WSCD2: variants seen among roughly 807,000 people sequenced by gnomAD.
WSCD2 encodes WSC domain sialate O sulfotransferase 2.
A neutral mutation model predicts 55.7 loss-of-function variants in WSCD2; 28 were observed. That is an observed-to-expected ratio of 0.50 (90% CI 0.37 to 0.69). WSCD2 has a LOEUF of 0.69. Ranked by LOEUF, WSCD2 falls within the 30% of genes least tolerant of loss-of-function variation. The pLI is 0.00. For synonymous variants in WSCD2, 301 were observed against 301.9 expected (o/e 1.00, Z 0.03); for missense variants, 616 against 762.1 (o/e 0.81, Z 2.26).
At chr12:108,194,324 G>A (rs1239838924) in intron 1 of WSCD2, among the ~76,000 whole-genome samples, 1 of 152,196 alleles carries the variant, frequency 6.6e-6, no homozygotes, top group Admixed American at 6.5e-5. Context: ...CAAAGGGTGA[G>A]CCATGCTGGT....
At chr12:108,137,384 T>A (rs1876336017) in intron 1 of WSCD2, among the ~76,000 whole-genome samples, 1 of 152,208 alleles carries the variant, frequency 6.6e-6, no homozygotes, top group African/African-American at 2.4e-5. Flanking sequence ...TCAGGGCCTG[T>A]TTACTCTTTC....
intron 3 of WSCD2, among the ~76,000 whole-genome samples, chr12:108,209,078 C>G (rs7313266): frequency 0.45 from 67,885 of 151,946 alleles, 15,494 homozygotes; most frequent in East Asian, 0.6. Context: ...CTTCCTACTC[C>G]CAGAGCCAGA....
chr12:108,216,953 A>T (rs181233481), intron 4 of WSCD2, among the ~76,000 whole-genome samples: 1 of 152,368 alleles, frequency 6.6e-6, no homozygotes, highest in East Asian at 1.9e-4. Context: ...TGGACTACTG[A>T]CAGCAAACAG....
At chr12:108,182,893 G>A (rs1423860443) in intron 1 of WSCD2, among the ~76,000 whole-genome samples, 1 of 152,046 alleles carries the variant, frequency 6.6e-6, no homozygotes, top group East Asian at 1.9e-4. Flanking sequence ...TAGAGTGCTA[G>A]AAGTTGGGGA....
chr12:108,229,616 T>A (rs1038275254), intron 6 of WSCD2, among the ~76,000 whole-genome samples: 1 of 152,256 alleles, frequency 6.6e-6, no homozygotes, highest in African/African-American at 2.4e-5. Context: ...AGGTAGGCCA[T>A]GACAGTTCTG....
At chr12:108,158,790 T>A (rs1380090748) in intron 1 of WSCD2, among the ~76,000 whole-genome samples, 2 of 152,136 alleles carry the variant, frequency 1.3e-5, no homozygotes, top group African/African-American at 4.8e-5. Context: ...ACTCTCCGTG[T>A]CTACTCAAGC....
intron 1 of WSCD2, chr12:108,189,711 A>G (rs1882926893): frequency 6.6e-6 from 1 of 152,238 alleles, no homozygotes; most frequent in African/African-American, 2.4e-5. Flanking sequence ...GGATAATCAT[A>G]AGATGCTCAT....
chr12:108,211,716 T>G (rs1029794609), intron 4 of WSCD2, among the ~76,000 whole-genome samples: 5 of 150,588 alleles, frequency 3.3e-5, no homozygotes, highest in Non-Finnish European at 4.4e-5. Context: ...TGCAATGGTG[T>G]GATCTTGGCT....
intron 6 of WSCD2, among the ~76,000 whole-genome samples, chr12:108,228,021 G>C (rs1888331085): frequency 6.6e-6 from 1 of 150,932 alleles, no homozygotes; most frequent in Non-Finnish European, 1.5e-5. Context: ...CTCTCTATGA[G>C]TTGGGAACAG....
At chr12:108,233,062 T>A in intron 7 of WSCD2, 167 bp downstream of exon 7, 1 of 815,920 alleles carries the variant, frequency 1.2e-6, no homozygotes, top group Non-Finnish European at 1.9e-6. Context: ...CCCACCTTCC[T>A]TTATGCCCCA....
chr12:108,149,969 ATTTGAC>A (rs1565918076), intron 1 of WSCD2: 1 of 152,176 alleles, frequency 6.6e-6, no homozygotes, highest in East Asian at 1.9e-4. Context: ...AGGTCGGGCA[ATTTGAC>A]TTTGGATGCT....
At chr12:108,229,766 G>C (rs1323118267) in intron 6 of WSCD2, among the ~76,000 whole-genome samples, 1 of 151,838 alleles carries the variant, frequency 6.6e-6, no homozygotes, top group African/African-American at 2.4e-5. Context: ...GGTTGGCCTT[G>C]GCCTCCCAGG....
chr12:108,152,174 A>G (rs1878075541), intron 1 of WSCD2, among the ~76,000 whole-genome samples: 1 of 152,244 alleles, frequency 6.6e-6, no homozygotes, highest in Admixed American at 6.5e-5. Flanking sequence ...AAAACTGCCC[A>G]TTCTGAGTGT....
intron 1 of WSCD2, among the ~76,000 whole-genome samples, chr12:108,173,805 G>GCTCTCT (rs10658530): frequency 0.011 from 1,445 of 127,790 alleles, 12 homozygotes; most frequent in Middle Eastern, 0.032. Flanking sequence ...CTGATTCCTG[G>GCTCTCT]CTCTCTGTGT....
chr12:108,196,423 A>G (rs1489268140), intron 2 of WSCD2: 1 of 749,852 alleles, frequency 1.3e-6, no homozygotes, highest in Middle Eastern at 3.9e-4. Context: ...AAGGTCACAC[A>G]GCTTGTCAAG....
intron 1 of WSCD2, among the ~76,000 whole-genome samples, chr12:108,175,072 T>C (rs762418275): frequency 2.6e-5 from 4 of 152,224 alleles, no homozygotes; most frequent in South Asian, 2.1e-4. Flanking sequence ...GCATCAGCTT[T>C]CTTTTTATAA....
intron 1 of WSCD2, among the ~76,000 whole-genome samples, chr12:108,174,884 A>G (rs780979295): frequency 6.6e-6 from 1 of 152,150 alleles, no homozygotes; most frequent in Non-Finnish European, 1.5e-5. Flanking sequence ...CGGCCTCCCA[A>G]AAGGCTAGGA....
chr12:108,164,948 G>A (rs1879462566), intron 1 of WSCD2, among the ~76,000 whole-genome samples: 1 of 152,162 alleles, frequency 6.6e-6, no homozygotes, highest in Admixed American at 6.5e-5. Flanking sequence ...TTGCTAACCA[G>A]CAAATGGACT....
At chr12:108,166,781 C>CTTTCTTTCTT (rs1565928923) in intron 1 of WSCD2, among the ~76,000 whole-genome samples, 11 of 136,036 alleles carry the variant, frequency 8.1e-5, no homozygotes, top group Non-Finnish European at 1.8e-4. Flanking sequence ...TTCTTTCTTT[C>CTTTCTTTCTT]TTTCTTTCTG....
Sources: gnomAD v4.1 joint callset for allele counts (sites outside exome capture counted in the v4.1 genomes callset) on GRCh38, gnomAD v4.1.1 for gene constraint, MANE v1.5 for transcripts, NCBI Gene and HGNC (gene_info 2026-07-23, HGNC 2026-07-21) for gene names.